The following MTHFD1 variants were observed in gnomAD, a reference collection of about 807,000 sequenced individuals.
MTHFD1 encodes C-1-tetrahydrofolate synthase, cytoplasmic.
In MTHFD1, 44 loss-of-function variants were observed where a neutral mutation model predicts 110.3. The observed-to-expected ratio is 0.40, with a 90% CI of 0.31 to 0.51. The LOEUF (loss-of-function observed/expected upper bound fraction) is 0.51, where lower values mean the gene tolerates loss of function less well. MTHFD1 is among the 20% of genes least tolerant of loss of function. The probability of loss-of-function intolerance (pLI) is 0.60; values close to 1 mark genes in which losing one functional copy is unlikely to be tolerated. For synonymous variants in MTHFD1, 402 were observed against 428.8 expected (o/e 0.94, Z 0.77); for missense variants, 909 against 1,173.1 (o/e 0.77, Z 3.29).
rs868492652 is a variant in MTHFD1, at chr14:64,397,194, A to G, written c.42-3599A>G. Among the ~76,000 whole-genome samples, 23 of 90,510 alleles carry G rather than the reference A, an allele frequency of 2.5e-4. 1 individual carries two copies. The highest frequency in any genetic ancestry group is 4.6e-4 in the Non-Finnish European group (22 of 47,790). 59.4% of individuals were successfully genotyped at this position (90,510 alleles called of 152,430 possible). On this transcript the variant is annotated intron_variant, in intron 1 of 27. Coordinates refer to ENST00000652337, the MANE Select transcript of MTHFD1 (RefSeq NM_005956.4). ...ATATATATATATATATATATATAAA[A>G]AACAGTAATCTATTGGGGCAGGGGA... is the stretch of plus-strand genomic sequence containing the variant.
intron 12 of MTHFD1, among the ~76,000 whole-genome samples, chr14:64,427,711 G>A (rs1035327093): frequency 6.6e-6 from 1 of 152,174 alleles, no homozygotes; most frequent in Non-Finnish European, 1.5e-5. Context: ...ATATGTAGCT[G>A]GAGGTGCTTT....
chr14:64,417,793 C>G lies in MTHFD1; in HGVS notation c.479-95C>G, dbSNP rs1014859602. On this transcript the variant is annotated intron_variant, in intron 6 of 27. Coordinates refer to ENST00000652337, the MANE Select transcript of MTHFD1 (RefSeq NM_005956.4). This position sits in a 1 kb window ranked among gnomAD's most constrained non-coding sequence, Gnocchi z 4.4. ...AAGGTTTCTGTTTGATGTTAAGAACCTGTTTTTGTGCACTTATTCTAATTT... is the reference window on the plus strand; with the variant it reads ...AAGGTTTCTGTTTGATGTTAAGAACGTGTTTTTGTGCACTTATTCTAATTT... 9 of 1,489,978 alleles carry G rather than the reference C, an allele frequency of 6.0e-6. No individual in the cohort carries two copies. In the Admixed American group the frequency reaches 1.0e-4, roughly 17 times the overall value. 92.3% of individuals were successfully genotyped at this position (1,489,978 alleles called of 1,614,324 possible). A position where few individuals can be genotyped will look rare whatever the true frequency, so the allele number is the denominator to read the frequency against.
chr14:64,395,599 C>A (rs759725818), intron 1 of MTHFD1, among the ~76,000 whole-genome samples: 1 of 152,140 alleles, frequency 6.6e-6, no homozygotes, highest in Non-Finnish European at 1.5e-5. Context: ...CAACCTAGTC[C>A]GTTTATTGCA....
At chr14:64,425,334 T>C (rs1423390853) in intron 9 of MTHFD1, among the ~76,000 whole-genome samples, 2 of 151,256 alleles carry the variant, frequency 1.3e-5, no homozygotes, top group Non-Finnish European at 2.9e-5. Flanking sequence ...TGCCTCAGCC[T>C]CCTGAGTAGC....
intron 2 of MTHFD1, among the ~76,000 whole-genome samples, chr14:64,403,086 G>A (rs937374872): frequency 2.4e-4 from 37 of 152,016 alleles, no homozygotes; most frequent in African/African-American, 8.5e-4. Context: ...AGCCTCCAGA[G>A]TAGCTGGGAT....
chr14:64,433,694 C>T (rs1265761073), intron 15 of MTHFD1, among the ~76,000 whole-genome samples: 1 of 149,304 alleles, frequency 6.7e-6, no homozygotes, highest in Non-Finnish European at 1.5e-5. Context: ...GGATTACTTG[C>T]ATGAACCACT....
chr14:64,457,036 T>C (rs567670216), intron 26 of MTHFD1, among the ~76,000 whole-genome samples: 240 of 152,318 alleles, frequency 1.6e-3, no homozygotes, highest in Middle Eastern at 0.014. Context: ...GCCGAGTCTT[T>C]AGAAAAGTAG....
intron 21 of MTHFD1, among the ~76,000 whole-genome samples, chr14:64,443,835 G>A (rs2078267289): frequency 6.6e-6 from 1 of 152,114 alleles, no homozygotes; most frequent in African/African-American, 2.4e-5. Flanking sequence ...TGCATGGAGG[G>A]GAACATTTGC....
At chr14:64,414,405 C>A (rs2078009196) in intron 4 of MTHFD1, among the ~76,000 whole-genome samples, 1 of 150,858 alleles carries the variant, frequency 6.6e-6, no homozygotes, top group East Asian at 2.0e-4. Context: ...GATTCTCATG[C>A]CTCAGCCTCC....
chr14:64,424,234 TATTC>T (rs1400288712), intron 8 of MTHFD1: 1 of 168,286 alleles, frequency 5.9e-6, no homozygotes, highest in Non-Finnish European at 1.3e-5. Flanking sequence ...CTTGAATAGC[TATTC>T]TTTGCTGGTA....
rs1466988053 is a variant in MTHFD1 at position 64,430,178 on chromosome 14, C to T, written c.1265-6C>T. ...ACTGAGCTTCCACCCTTGACCTGTC[C>T]CCTAGGTGGCGCTGCAGGAGGCGGC... On this transcript the variant is annotated splice_polypyrimidine_tract_variant and splice_region_variant and intron_variant, in intron 12 of 27. Coordinates refer to ENST00000652337, the MANE Select transcript of MTHFD1 (RefSeq NM_005956.4). 4 of 1,613,474 alleles carry T rather than the reference C, an allele frequency of 2.5e-6. No individual in the cohort carries two copies.
At position 64,442,056 on chromosome 14, in the gene MTHFD1, C is replaced by A. The variant is rs2078253526; in HGVS notation, c.1887C>A (p.Gly629=). The A allele has an allele frequency of 1.2e-6, 2 of 1,611,656 alleles. No homozygotes were observed. Among genetic ancestry groups the A allele is most frequent in the Non-Finnish European group, 1.7e-6 (2 of 1,177,836 alleles). The part of the protein sequence containing the change: ...IKPNLMQTLE[G]TPVFVHAGPF... ...TCACGGTGTCCTGGTTTCCACAGGG[C>A]ACTCCAGTGTTTGTCCATGCTGGCC... Residue 629 remains glycine, a splice_region_variant and synonymous_variant, in exon 20 of 28, where the codon GGC becomes GGA. Coordinates refer to ENST00000652337, the MANE Select transcript of MTHFD1 (RefSeq NM_005956.4).
intron 9 of MTHFD1, 85 bp from the exon 10 acceptor site, chr14:64,425,645 G>A (rs1471125992): frequency 2.2e-5 from 25 of 1,113,606 alleles, no homozygotes; most frequent in Non-Finnish European, 3.3e-5. Context: ...TTTTGTGATT[G>A]AACTGGAGTG....
At chr14:64,440,646 T>A in intron 18 of MTHFD1, 1 of 314,796 alleles carries the variant, frequency 3.2e-6, no homozygotes, top group South Asian at 2.9e-5. Context: ...TGTTAAAAGT[T>A]GGTATTGAAC....
rs756899076 is a variant in MTHFD1, at chr14:64,435,624, G to A, written c.1550G>A (p.Arg517Lys). Residue 517 changes from arginine (R) to lysine (K), a missense_variant, in exon 16 of 28, where the codon AGA becomes AAA. This residue lies in a region of MTHFD1 where 482 missense variants were observed against 646.0 expected (regional missense o/e 0.75). Transcript: ENST00000652337. ...PTTLTDEEIN[R>K]FARLDIDPET... ...ACACTGACAGATGAAGAGATAAACA[G>A]ATTTGCAAGATTGGACATTGATCCA... The A allele has an allele frequency of 6.2e-7, 1 of 1,612,906 alleles. No homozygotes were observed. The highest frequency in any genetic ancestry group is 1.7e-4 in the Middle Eastern group (1 of 6,060).
intron 6 of MTHFD1, among the ~76,000 whole-genome samples, chr14:64,416,386 A>C (rs1368536311): frequency 1.3e-5 from 2 of 152,142 alleles, no homozygotes; most frequent in African/African-American, 4.8e-5. Context: ...CAGTAATAAA[A>C]ATTTGGATAG....
At chr14:64,454,645 G>A (rs2078435578) in intron 25 of MTHFD1, 78 bp from the exon 26 acceptor site, 1 of 1,167,396 alleles carries the variant, frequency 8.6e-7, no homozygotes, top group Non-Finnish European at 1.3e-6. Context: ...AAGAATCCAT[G>A]TAATCACAGG....
At chr14:64,433,399 G>A (rs916495634) in intron 15 of MTHFD1, among the ~76,000 whole-genome samples, 1 of 151,200 alleles carries the variant, frequency 6.6e-6, no homozygotes, top group African/African-American at 2.4e-5. Context: ...GATTACAGGC[G>A]TGAGCCACTG....
chr14:64,444,464 C>T (rs899678010), intron 21 of MTHFD1, among the ~76,000 whole-genome samples: 1 of 152,134 alleles, frequency 6.6e-6, no homozygotes, highest in Non-Finnish European at 1.5e-5. Flanking sequence ...GTCCTTCTCA[C>T]CTCCTTAATT....
Sources: gnomAD v4.1 joint callset for allele counts (sites outside exome capture counted in the v4.1 genomes callset) on GRCh38, gnomAD v4.1.1 for gene constraint, gnomAD v4.1.1 regional missense constraint, Gnocchi (gnomAD v3.1) non-coding constraint, MANE v1.5 for transcripts, NCBI Gene and HGNC (gene_info 2026-07-23, HGNC 2026-07-21) for gene names.